Variants in FAM161A observed in about 807,000 individuals in gnomAD.
FAM161A encodes FAM161 centrosomal protein A, also known as protein FAM161A.
In FAM161A, 57 loss-of-function variants were observed where a neutral mutation model predicts 70.9. The ratio of observed to expected loss-of-function variants is 0.80; its 90% CI spans 0.65 to 1.00. The LOEUF (loss-of-function observed/expected upper bound fraction) is 1.00, where lower values mean the gene tolerates loss of function less well. Among genes scored for constraint, FAM161A ranks in the 50% least tolerant of loss-of-function variants. FAM161A has a pLI of 0.00. For synonymous variants in FAM161A, 299 were observed against 295.7 expected, an observed-to-expected ratio of 1.01 and a Z score of -0.12; for missense variants, 880 against 836.0, an observed-to-expected ratio of 1.05 and a Z score of -0.65.
chr2:61,823,332 CAAA>C (rs58820982), downstream of FAM161A, among the ~76,000 whole-genome samples: 32 of 119,636 alleles, frequency 2.7e-4, 1 homozygote, highest in Admixed American at 4.3e-4. Context: ...GATTCCATCT[CAAA>C]AAAAAAAAAA....
At chr2:61,838,955 T>G (rs1672889806) in intron 3 of FAM161A, among the ~76,000 whole-genome samples, 1 of 151,572 alleles carries the variant, frequency 6.6e-6, no homozygotes, top group Non-Finnish European at 1.5e-5. Flanking sequence ...TGATCTCGGC[T>G]CACTGCAACC....
At chr2:61,809,382 C>T in the FAM161A span, among the ~76,000 whole-genome samples, 1 of 152,186 alleles carries the variant, frequency 6.6e-6, no homozygotes, top group East Asian at 1.9e-4. Flanking sequence ...TCTTTGTTTA[C>T]ATATATTTCA....
At chr2:61,806,740 T>G in the FAM161A span, among the ~76,000 whole-genome samples, 1 of 133,422 alleles carries the variant, frequency 7.5e-6, no homozygotes, top group Non-Finnish European at 1.5e-5. Context: ...TCGCCCAGGC[T>G]GGAGTGCAGT....
the FAM161A span, among the ~76,000 whole-genome samples, chr2:61,818,392 G>T: frequency 2.5e-4 from 38 of 152,302 alleles, no homozygotes; most frequent in African/African-American, 7.0e-4. Flanking sequence ...CCATTAAAAG[G>T]CTTCAGGGTC....
chr2:61,815,092 C>A, the FAM161A span, among the ~76,000 whole-genome samples: 2 of 152,172 alleles, frequency 1.3e-5, no homozygotes, highest in Non-Finnish European at 2.9e-5. Context: ...GAGTTGTTCC[C>A]ATCAGATGAC....
At chr2:61,811,068 T>C in the FAM161A span, among the ~76,000 whole-genome samples, 1 of 152,068 alleles carries the variant, frequency 6.6e-6, no homozygotes, top group African/African-American at 2.4e-5. Flanking sequence ...TCTTCTACAC[T>C]CCACATTCAA....
downstream of FAM161A, among the ~76,000 whole-genome samples, chr2:61,824,539 C>T (rs1003024191): frequency 7.2e-5 from 11 of 152,108 alleles, no homozygotes. Flanking sequence ...TTTGCAAAGA[C>T]CTTTCCATAT....
At chr2:61,845,092 C>T (rs752335439) in intron 1 of FAM161A, among the ~76,000 whole-genome samples, 1 of 152,182 alleles carries the variant, frequency 6.6e-6, no homozygotes, top group African/African-American at 2.4e-5. Context: ...CACCAATCCA[C>T]ACAGAAGTAG....
chr2:61,833,483 T>A (rs1206917897), intron 5 of FAM161A, among the ~76,000 whole-genome samples: 1 of 150,786 alleles, frequency 6.6e-6, no homozygotes, highest in African/African-American at 2.4e-5. Flanking sequence ...GCTGCTAACA[T>A]TGTTTACTAA....
At chr2:61,805,311 T>G in the FAM161A span, among the ~76,000 whole-genome samples, 1 of 151,992 alleles carries the variant, frequency 6.6e-6, no homozygotes, top group Non-Finnish European at 1.5e-5. Flanking sequence ...AGGTCAGGAG[T>G]TCGAGACGAG....
At chr2:61,808,538 C>G in the FAM161A span, among the ~76,000 whole-genome samples, 17 of 152,158 alleles carry the variant, frequency 1.1e-4, no homozygotes, top group African/African-American at 4.1e-4. Flanking sequence ...TCCCAAAGTG[C>G]TGGGATTACA....
chr2:61,846,115 A>T (rs1254687334), intron 1 of FAM161A, among the ~76,000 whole-genome samples: 2 of 141,354 alleles, frequency 1.4e-5, no homozygotes, highest in East Asian at 2.1e-4. Context: ...AAAAAAAAGA[A>T]TGGAGAAATC....
rs1672961891 is a variant in FAM161A at position 61,840,213 on chromosome 2, A to T, written c.791T>A (p.Met264Lys). The change falls in exon 3 of 7, where the codon ATG becomes AAG. Residue 264 changes from methionine (M) to lysine (K), a missense_variant. Physicochemically the swap from Met to Lys is moderately conservative, Grantham distance 95. Transcript: ENST00000404929. Reference sequence around the variant, plus strand: ...TTGTTTTTTGAGCGCTTTATGTACCATTTCGATATCTGATTTAGATTTCAT... The same window carrying T: ...TTGTTTTTTGAGCGCTTTATGTACCTTTTCGATATCTGATTTAGATTTCAT... Reference protein sequence around the residue: ...ESMKSKSDIEMVHKALKKQEE... With the variant: ...ESMKSKSDIEKVHKALKKQEE... 1 of 1,613,706 alleles carries T rather than the reference A, an allele frequency of 6.2e-7. No homozygotes were observed. The highest frequency in any genetic ancestry group is 8.5e-7 in the Non-Finnish European group (1 of 1,179,932).
the FAM161A span, among the ~76,000 whole-genome samples, chr2:61,810,187 G>A: frequency 6.6e-6 from 1 of 152,142 alleles, no homozygotes; most frequent in African/African-American, 2.4e-5. Flanking sequence ...AATTATACAG[G>A]AGGTTATCCC....
chr2:61,831,055 T>A (rs530875105), intron 5 of FAM161A, among the ~76,000 whole-genome samples: 1 of 145,108 alleles, frequency 6.9e-6, no homozygotes, highest in East Asian at 2.0e-4. Context: ...GAGGTTCCAG[T>A]GAGCTGAGAT....
chr2:61,800,768 A>G, the FAM161A span, among the ~76,000 whole-genome samples: 2 of 152,236 alleles, frequency 1.3e-5, no homozygotes, highest in Non-Finnish European at 2.9e-5. Context: ...CCACATTGGC[A>G]TAAAATGTGT....
At chr2:61,820,213 G>A, downstream of FAM161A, 1 of 581,138 alleles carries the variant, frequency 1.7e-6, no homozygotes, top group South Asian at 2.0e-5. Context: ...GTCTAAGTCA[G>A]TCTCCTAAAC....
intron 1 of FAM161A, among the ~76,000 whole-genome samples, chr2:61,853,202 G>T (rs982963157): frequency 4.6e-5 from 7 of 151,990 alleles, no homozygotes; most frequent in Admixed American, 1.3e-4. Context: ...GAGCCACCGC[G>T]CCCGGCCAAG....
chr2:61,813,991 C>T, the FAM161A span, among the ~76,000 whole-genome samples: 3 of 152,010 alleles, frequency 2.0e-5, no homozygotes, highest in Admixed American at 2.0e-4. Flanking sequence ...GTATGAGGTG[C>T]CAGGCAGTCA....
Sources: gnomAD v4.1 joint callset for allele counts (sites outside exome capture counted in the v4.1 genomes callset) on GRCh38, gnomAD v4.1.1 for gene constraint, MANE v1.5 for transcripts, NCBI Gene and HGNC (gene_info 2026-07-23, HGNC 2026-07-21) for gene names.